Variants in KDM4C observed in about 807,000 individuals in gnomAD.
KDM4C encodes lysine demethylase 4C.
In KDM4C, 81 loss-of-function variants were observed where a neutral mutation model predicts 129.3. The ratio of observed to expected loss-of-function variants is 0.63; its 90% CI spans 0.52 to 0.75. KDM4C has a LOEUF of 0.75. KDM4C is among the 30% of genes least tolerant of loss of function. The pLI is 0.00. For synonymous variants in KDM4C, 573 were observed against 456.1 expected (o/e 1.26, Z -3.26); for missense variants, 1,457 against 1,304.0 (o/e 1.12, Z -1.81).
In KDM4C at chr9:6,805,708, C is replaced by G. The variant is rs1179003318; in HGVS notation, c.254C>G (p.Thr85Ser). Residue 85 changes from threonine (T) to serine (S), a missense_variant, in exon 3 of 22, where the codon ACT (threonine) becomes AGT (serine). Transcript: ENST00000381309. ...QMVTGQSGLF[T>S]QYNIQKKAMT... ...GTCACAGGGCAGTCAGGACTGTTCA[C>G]TCAGTACAACATCCAGAAAAAAGCG... is the stretch of plus-strand genomic sequence containing the variant. 1.9e-6 allele frequency: 3 copies of G among 1,614,144 alleles called. No individual in the cohort carries two copies. Among genetic ancestry groups the G allele is most frequent in the African/African-American group, 1.3e-5 (1 of 75,052 alleles).
At chr9:6,883,839 G>C (rs1844845611) in intron 6 of KDM4C, among the ~76,000 whole-genome samples, 1 of 152,070 alleles carries the variant, frequency 6.6e-6, no homozygotes, top group Non-Finnish European at 1.5e-5. Context: ...GGAGTCCTTG[G>C]TGACTTGTGC....
At chr9:7,155,976 C>T (rs892660394) in intron 19 of KDM4C, among the ~76,000 whole-genome samples, 3 of 152,230 alleles carry the variant, frequency 2.0e-5, no homozygotes, top group Admixed American at 6.5e-5. Flanking sequence ...CTCCCACCAA[C>T]AGTGTAAAAG....
chr9:6,884,924 A>G (rs1458065348), intron 6 of KDM4C, among the ~76,000 whole-genome samples: 1 of 152,234 alleles, frequency 6.6e-6, no homozygotes, highest in Non-Finnish European at 1.5e-5. Flanking sequence ...TGAAGGAAGG[A>G]ACACACCTGT....
intron 19 of KDM4C, 113 bp downstream of exon 19, chr9:7,128,349 G>A (rs992425901): frequency 1.5e-6 from 1 of 684,450 alleles, no homozygotes; most frequent in Non-Finnish European, 2.2e-6. Context: ...CATTCACTTG[G>A]TTCATAGACT....
At chr9:6,946,834 A>G (rs1827061915) in intron 8 of KDM4C, among the ~76,000 whole-genome samples, 1 of 152,120 alleles carries the variant, frequency 6.6e-6, no homozygotes, top group African/African-American at 2.4e-5. Flanking sequence ...AAATAATTCT[A>G]AAACATTATT....
At chr9:6,983,911 GC>G in intron 9 of KDM4C, among the ~76,000 whole-genome samples, 1 of 151,444 alleles carries the variant, frequency 6.6e-6, no homozygotes, top group African/African-American at 2.4e-5. Flanking sequence ...TTTAGGAATG[GC>G]CCTTTTTCAA....
chr9:6,873,181 G>C (rs1843023869), intron 5 of KDM4C, among the ~76,000 whole-genome samples: 1 of 152,160 alleles, frequency 6.6e-6, no homozygotes, highest in South Asian at 2.1e-4. Context: ...ATTTTTAGTA[G>C]AGACGGGGTT....
At chr9:6,929,324 C>T (rs1213934966) in intron 8 of KDM4C, among the ~76,000 whole-genome samples, 7 of 152,098 alleles carry the variant, frequency 4.6e-5, no homozygotes, top group Non-Finnish European at 1.0e-4. Flanking sequence ...AACTGAGTGC[C>T]CTTTTACTAT....
In KDM4C at chr9:7,046,739, T is replaced by G. The variant is rs1319750720; in HGVS notation, c.2260-123T>G. 28 of 758,538 alleles carry G rather than the reference T, an allele frequency of 3.7e-5. 1 individual carries two copies. The Admixed American group carries it at 5.4e-4, about 15-fold the overall frequency. The allele number at this position is 758,538 out of a possible 1,614,324, so 47.0% of individuals were successfully genotyped here. A position where few individuals can be genotyped will look rare whatever the true frequency, so the allele number is the denominator to read the frequency against. ...TGAACTTCTCAGAGATAGACCTTCA[T>G]GTAATTCCTGATGGTTTTAATTTTA... is the stretch of plus-strand genomic sequence containing the variant. On this transcript the variant is annotated intron_variant, in intron 15 of 21. Transcript: ENST00000381309.
chr9:7,072,393 T>C (rs546712633), intron 17 of KDM4C, among the ~76,000 whole-genome samples: 5 of 152,302 alleles, frequency 3.3e-5, no homozygotes, highest in African/African-American at 1.2e-4. Flanking sequence ...AACTGGGGAA[T>C]GAATTCTCAA....
intron 1 of KDM4C, among the ~76,000 whole-genome samples, chr9:6,778,092 CTTTT>C (rs760255723): frequency 7.6e-6 from 1 of 131,844 alleles, no homozygotes; most frequent in Non-Finnish European, 1.6e-5. Flanking sequence ...CTAATTTTTT[CTTTT>C]TTTTTTTTTT....
chr9:6,800,604 ATTTTATTTTATT>A (rs780335006), intron 2 of KDM4C, among the ~76,000 whole-genome samples: 19 of 152,074 alleles, frequency 1.2e-4, no homozygotes, highest in Admixed American at 3.9e-4. Flanking sequence ...ATATCTATCT[ATTTTATTTTATT>A]TTTTAATTTA....
intron 8 of KDM4C, among the ~76,000 whole-genome samples, chr9:6,920,984 C>T (rs971429093): frequency 5.3e-5 from 8 of 152,124 alleles, no homozygotes; most frequent in African/African-American, 1.2e-4. Flanking sequence ...CTCCTGGCAG[C>T]ACTTGATAAA....
intron 7 of KDM4C, among the ~76,000 whole-genome samples, chr9:6,891,762 A>G (rs755276975): frequency 6.6e-6 from 1 of 152,172 alleles, no homozygotes; most frequent in Non-Finnish European, 1.5e-5. Context: ...CTACAAATGT[A>G]GCTATTACTG....
intron 12 of KDM4C, among the ~76,000 whole-genome samples, chr9:7,006,500 T>C (rs763558955): frequency 6.6e-6 from 1 of 151,982 alleles, no homozygotes; most frequent in Admixed American, 6.6e-5. Context: ...GGCGGTGTGA[T>C]TTGAATGGCA....
intron 1 of KDM4C, among the ~76,000 whole-genome samples, chr9:6,738,475 C>T (rs1219704959): frequency 3.9e-5 from 6 of 152,116 alleles, no homozygotes; most frequent in African/African-American, 9.7e-5. Context: ...ACTCTGTCCC[C>T]CAAGCTGGAG....
At chr9:6,976,482 A>G (rs534298567) in intron 8 of KDM4C, among the ~76,000 whole-genome samples, 2 of 152,208 alleles carry the variant, frequency 1.3e-5, no homozygotes, top group Non-Finnish European at 2.9e-5. Context: ...ATAACATATA[A>G]ACTGTTGGGT....
chr9:6,880,072 CT>C lies in KDM4C; in HGVS notation c.679+16del, dbSNP rs1427449405. ...AAAGACTAGCTCAAGGTAAAACTTG[CT>C]TTTTAAATTTGTTTTCTGTGTTTTA... On this transcript the variant is annotated intron_variant, in intron 6 of 21. Coordinates refer to ENST00000381309, the MANE Select transcript of KDM4C (RefSeq NM_015061.6). The C allele has an allele frequency of 1.9e-6, 3 of 1,580,350 alleles. No individual in the cohort carries two copies. The highest frequency in any genetic ancestry group is 2.6e-6 in the Non-Finnish European group (3 of 1,156,206).
At chr9:7,008,667 C>G (rs1822130716) in intron 12 of KDM4C, among the ~76,000 whole-genome samples, 1 of 152,212 alleles carries the variant, frequency 6.6e-6, no homozygotes, top group Non-Finnish European at 1.5e-5. Context: ...AATGTTGGTG[C>G]CAAGCTGGCC....
Sources: gnomAD v4.1 joint callset for allele counts (sites outside exome capture counted in the v4.1 genomes callset) on GRCh38, gnomAD v4.1.1 for gene constraint, MANE v1.5 for transcripts, NCBI Gene and HGNC (gene_info 2026-07-23, HGNC 2026-07-21) for gene names.